Variants in PABPN1L observed in about 807,000 individuals in gnomAD.
PABPN1L encodes PABPN1 like, cytoplasmic.
PABPN1L carries 45 observed loss-of-function variants against 34.0 expected under a neutral mutation model. That is an observed-to-expected ratio of 1.32 (90% CI 1.04 to 1.70). The LOEUF (loss-of-function observed/expected upper bound fraction) is 1.70. Ranked by LOEUF, PABPN1L falls within the 40% of genes most tolerant of loss-of-function variation. PABPN1L has a pLI of 0.00. For synonymous variants in PABPN1L, 182 were observed against 152.1 expected, an observed-to-expected ratio of 1.20 and a Z score of -1.45; for missense variants, 459 against 367.8, an observed-to-expected ratio of 1.25 and a Z score of -2.03.
chr16:88,868,218 A>G (rs951731818), upstream of PABPN1L, among the ~76,000 whole-genome samples: 2 of 152,172 alleles, frequency 1.3e-5, no homozygotes, highest in Non-Finnish European at 2.9e-5. Flanking sequence ...TCAATCAATC[A>G]GTTTAGAGGT....
At chr16:88,868,479 G>A (rs1003297733), upstream of PABPN1L, among the ~76,000 whole-genome samples, 5 of 152,240 alleles carry the variant, frequency 3.3e-5, no homozygotes, top group South Asian at 6.2e-4. Context: ...GGTGGCGGGC[G>A]CCTGTAATCC....
chr16:88,869,951 G>GACAACT (rs1968666864), upstream of PABPN1L, among the ~76,000 whole-genome samples: 2 of 152,246 alleles, frequency 1.3e-5, no homozygotes, highest in Non-Finnish European at 2.9e-5. Context: ...GGCCCCTGGG[G>GACAACT]CCCCAGCGCC....
rs1450020271 is a variant in PABPN1L, at chr16:88,865,013, C to T, written c.566+9G>A. ...CATGGCCAGTGCCCCCACCAGGCCC[C>T]ACACTGACCCCTTGGGGTGTCCAGA... On this transcript the variant is annotated intron_variant, in intron 4 of 6. Coordinates refer to ENST00000419291, the Ensembl canonical transcript of PABPN1L. The T allele has an allele frequency of 3.1e-6, 5 of 1,599,050 alleles. No individual in the cohort carries two copies. The highest frequency in any genetic ancestry group is 4.3e-6 in the Non-Finnish European group (5 of 1,173,580).
intron 5 of PABPN1L, 148 bp from the exon 6 acceptor site, chr16:88,864,527 A>C: frequency 8.2e-7 from 1 of 1,215,698 alleles, no homozygotes; most frequent in East Asian, 2.6e-5. Context: ...TTTGCCTACC[A>C]TAGCTGTCAT....
chr16:88,865,017 C>T lies in PABPN1L; in HGVS notation c.566+5G>A, dbSNP rs372773958. The T allele has an allele frequency of 1.9e-6, 3 of 1,599,538 alleles. No individual in the cohort carries two copies. The highest frequency in any genetic ancestry group is 1.7e-5 in the Admixed American group (1 of 57,976). On this transcript the variant is annotated splice_donor_5th_base_variant and intron_variant, in intron 4 of 6. Coordinates refer to ENST00000419291, the Ensembl canonical transcript of PABPN1L. ...GCCAGTGCCCCCACCAGGCCCCACACTGACCCCTTGGGGTGTCCAGAGAAC... is the reference window on the plus strand; with the variant it reads ...GCCAGTGCCCCCACCAGGCCCCACATTGACCCCTTGGGGTGTCCAGAGAAC...
At chr16:88,865,238 G>T in intron 3 of PABPN1L, 110 bp from the exon 4 acceptor site, 1 of 1,159,462 alleles carries the variant, frequency 8.6e-7, no homozygotes, top group Non-Finnish European at 1.2e-6. Flanking sequence ...TGGCGGGGAT[G>T]GCCCCAGGCC....
chr16:88,867,201 C>A (rs918056328), upstream of PABPN1L, among the ~76,000 whole-genome samples: 2 of 151,794 alleles, frequency 1.3e-5, no homozygotes, highest in African/African-American at 4.9e-5. Flanking sequence ...CCCTTGCCTC[C>A]CTAACCCTTA....
At chr16:88,863,413 T>G in exon 7 of PABPN1L, 1 of 451,434 alleles carries the variant, frequency 2.2e-6, no homozygotes. Flanking sequence ...TAAAATGACT[T>G]AGTTGAAGAG....
chr16:88,866,862 G>A (rs986696683), upstream of PABPN1L, among the ~76,000 whole-genome samples: 18 of 152,244 alleles, frequency 1.2e-4, no homozygotes, highest in South Asian at 4.1e-4. Flanking sequence ...GGGGGTCACC[G>A]GTCTCTTCTG....
exon 6 of PABPN1L, chr16:88,864,365 T>C (rs953430197): frequency 3.3e-5 from 52 of 1,555,618 alleles, no homozygotes; most frequent in Non-Finnish European, 4.4e-5. Context: ...GGAAGTTGGT[T>C]CTTTTCGGCA....
rs1412967254 is a variant in PABPN1L, at chr16:88,865,458, A to G, written c.459+105T>C. ...GTGACGGGGCTGCCCCCAGGGTCAGACCCCCTTCCCAGCAAGGCTGCCTGG... is the reference window on the plus strand; with the variant it reads ...GTGACGGGGCTGCCCCCAGGGTCAGGCCCCCTTCCCAGCAAGGCTGCCTGG... On this transcript the variant is annotated intron_variant, in intron 3 of 6. Transcript: ENST00000419291. 4 of 1,410,608 alleles carry G rather than the reference A, an allele frequency of 2.8e-6. No individual in the cohort carries two copies. The East Asian group carries it at 1.0e-4, about 35-fold the overall frequency. 87.4% of individuals were successfully genotyped at this position (1,410,608 alleles called of 1,614,324 possible).
chr16:88,865,677 A>G (rs777109971), intron 2 of PABPN1L, 47 bp from the exon 3 acceptor site: 1 of 1,563,032 alleles, frequency 6.4e-7, no homozygotes, highest in South Asian at 1.2e-5. Flanking sequence ...TTCCTTCCTC[A>G]CTCCTCTCAC....
chr16:88,867,289 G>A (rs908106378), upstream of PABPN1L, among the ~76,000 whole-genome samples: 23 of 151,214 alleles, frequency 1.5e-4, no homozygotes, highest in African/African-American at 4.6e-4. Flanking sequence ...GTGCGGTGGC[G>A]CGATCTCGGC....
At chr16:88,864,449 C>T in intron 5 of PABPN1L, 70 bp from the exon 6 acceptor site, 1 of 1,486,106 alleles carries the variant, frequency 6.7e-7, no homozygotes, top group Non-Finnish European at 9.0e-7. Context: ...CCCCGCAGCC[C>T]CCACCACCCC....
upstream of PABPN1L, among the ~76,000 whole-genome samples, chr16:88,867,647 T>A: frequency 6.6e-6 from 1 of 150,962 alleles, no homozygotes; most frequent in Non-Finnish European, 1.5e-5. Flanking sequence ...CCGTGGGGAG[T>A]GACGGCGTGA....
At chr16:88,865,858 G>A (rs746327792) in exon 2 of PABPN1L, 2 of 1,609,720 alleles carry the variant, frequency 1.2e-6, no homozygotes, top group African/African-American at 1.3e-5. Flanking sequence ...CCTCTTCCTC[G>A]GCCTGTTGCT....
chr16:88,867,234 T>C (rs1446758933), upstream of PABPN1L, among the ~76,000 whole-genome samples: 267 of 149,422 alleles, frequency 1.8e-3, 3 homozygotes, highest in African/African-American at 6.4e-3. Flanking sequence ...TTTTTTTTTT[T>C]CTTTTTTTTT....
chr16:88,865,906 C>T lies in PABPN1L; in HGVS notation c.291G>A (p.Met97Ile), dbSNP rs1313195608. Reference sequence around the variant, plus strand: ...GCCGTGGCGTCCCCTCGGCCTGCTCCATGGCACACACCTTCATCTTGATGG... The same window carrying T: ...GCCGTGGCGTCCCCTCGGCCTGCTCTATGGCACACACCTTCATCTTGATGG... Residue 97 changes from methionine to isoleucine, a missense_variant, in exon 2 of 7, where the codon ATG (methionine) becomes ATA (isoleucine). Met to Ile is a conservative substitution (Grantham distance 10). Transcript: ENST00000419291. 3 of 1,609,154 alleles carry T rather than the reference C, an allele frequency of 1.9e-6. No individual in the cohort carries two copies. In the Admixed American group the frequency reaches 5.0e-5, roughly 27 times the overall value.
chr16:88,863,915 C>T, intron 6 of PABPN1L, 120 bp from the exon 7 acceptor site: 2 of 1,061,004 alleles, frequency 1.9e-6, no homozygotes, highest in Non-Finnish European at 2.7e-6. Flanking sequence ...CAGGCAATGC[C>T]CCAGGGGCCT....
Sources: gnomAD v4.1 joint callset for allele counts (sites outside exome capture counted in the v4.1 genomes callset) on GRCh38, gnomAD v4.1.1 for gene constraint, MANE v1.5 for transcripts, NCBI Gene and HGNC (gene_info 2026-07-23, HGNC 2026-07-21) for gene names.